Variants in CACNA2D3 observed in about 807,000 individuals in gnomAD.
CACNA2D3 encodes the protein calcium voltage-gated channel auxiliary subunit alpha2delta 3, also known as voltage-dependent calcium channel subunit alpha-2/delta-3.
In CACNA2D3, 60 loss-of-function variants were observed where a neutral mutation model predicts 160.6. The ratio of observed to expected loss-of-function variants is 0.37; its 90% CI spans 0.30 to 0.46. The LOEUF (loss-of-function observed/expected upper bound fraction) is 0.46, where lower values mean the gene tolerates loss of function less well. CACNA2D3 is among the 20% of genes least tolerant of loss of function. The probability of loss-of-function intolerance (pLI) is 1.00; values close to 1 mark genes in which losing one functional copy is unlikely to be tolerated. For synonymous variants in CACNA2D3, 558 were observed against 492.9 expected, an observed-to-expected ratio of 1.13 and a Z score of -1.75; for missense variants, 1,205 against 1,365.0, an observed-to-expected ratio of 0.88 and a Z score of 1.85.
intron 2 of CACNA2D3, among the ~76,000 whole-genome samples, chr3:54,187,304 A>T (rs7649990): frequency 0.18 from 26,801 of 152,156 alleles, 2,453 homozygotes; most frequent in East Asian, 0.26. Flanking sequence ...AATACCACCA[A>T]GTCTGTCTCT....
intron 31 of CACNA2D3, among the ~76,000 whole-genome samples, chr3:54,993,923 TTG>T (rs374831202): frequency 1.4e-5 from 2 of 144,152 alleles, no homozygotes; most frequent in East Asian, 2.0e-4. Flanking sequence ...TGTGTGTGTT[TTG>T]TGTGTGTGTG....
intron 6 of CACNA2D3, among the ~76,000 whole-genome samples, chr3:54,568,700 A>T (rs1187401508): frequency 6.6e-6 from 1 of 152,232 alleles, no homozygotes; most frequent in African/African-American, 2.4e-5. Flanking sequence ...GTAGCTTCTT[A>T]TACTAACATT....
At chr3:54,144,733 A>G (rs916241594) in intron 2 of CACNA2D3, among the ~76,000 whole-genome samples, 1 of 152,260 alleles carries the variant, frequency 6.6e-6, no homozygotes, top group African/African-American at 2.4e-5. Flanking sequence ...TAGTTTGCTA[A>G]GGGAAAAATA....
chr3:54,204,524 C>T (rs1221035089), intron 2 of CACNA2D3, among the ~76,000 whole-genome samples: 7 of 151,744 alleles, frequency 4.6e-5, no homozygotes, highest in Admixed American at 2.0e-4. Flanking sequence ...GGGCCAGGCA[C>T]GGTGGCTCAC....
At chr3:54,391,628 A>G (rs1699284159) in intron 4 of CACNA2D3, among the ~76,000 whole-genome samples, 1 of 151,482 alleles carries the variant, frequency 6.6e-6, no homozygotes, top group African/African-American at 2.4e-5. Flanking sequence ...CTCATGCCTC[A>G]GCTTCCCCAG....
At chr3:54,756,339 A>G (rs1559570699) in intron 12 of CACNA2D3, among the ~76,000 whole-genome samples, 2 of 152,212 alleles carry the variant, frequency 1.3e-5, no homozygotes, top group African/African-American at 2.4e-5. Context: ...GTGATATTCC[A>G]GTCATCTGTG....
chr3:54,865,258 C>T (rs961298462), intron 17 of CACNA2D3, among the ~76,000 whole-genome samples: 25 of 152,234 alleles, frequency 1.6e-4, no homozygotes, highest in African/African-American at 4.3e-4. Flanking sequence ...TTAGTAAGGG[C>T]AATATACTTT....
intron 2 of CACNA2D3, among the ~76,000 whole-genome samples, chr3:54,185,198 T>G (rs927065041): frequency 6.6e-6 from 1 of 152,250 alleles, no homozygotes; most frequent in Admixed American, 6.5e-5. Context: ...CTAAATGGCT[T>G]ATAGAAGTTT....
At position 54,984,588 on chromosome 3, in the gene CACNA2D3, T is replaced by TG. The variant is rs1223144875; in HGVS notation, c.2557-20_2557-19insG. On this transcript the variant is annotated intron_variant, in intron 29 of 37. Transcript: ENST00000474759. ...AGTTGAAGCTGTTTTTTTGTTTTTG[T>TG]TTTTTTTTTAATTTTCTAGACTGTG... 5 of 1,322,754 alleles carry TG rather than the reference T, an allele frequency of 3.8e-6. No homozygotes were observed. The highest frequency in any genetic ancestry group is 1.6e-5 in the African/African-American group (1 of 61,622). 81.9% of individuals were successfully genotyped at this position (1,322,754 alleles called of 1,614,324 possible).
chr3:54,144,260 G>T (rs6791270), intron 2 of CACNA2D3, among the ~76,000 whole-genome samples: 2,523 of 152,340 alleles, frequency 0.017, 77 homozygotes, highest in African/African-American at 0.057. Flanking sequence ...GGGATGTTGT[G>T]TGGCTGTGTC....
chr3:54,887,207 T>C (rs142810945), intron 23 of CACNA2D3, among the ~76,000 whole-genome samples: 172 of 152,050 alleles, frequency 1.1e-3, no homozygotes, highest in African/African-American at 4.0e-3. Context: ...AGGCAGATCA[T>C]TTGAGGTCAG....
chr3:54,128,628 C>A (rs1018923460), intron 2 of CACNA2D3, among the ~76,000 whole-genome samples: 1 of 152,202 alleles, frequency 6.6e-6, no homozygotes, highest in Non-Finnish European at 1.5e-5. Context: ...CCCAGCACAT[C>A]TCCTCTGTCA....
intron 4 of CACNA2D3, among the ~76,000 whole-genome samples, chr3:54,462,951 G>A (rs1700535732): frequency 6.7e-6 from 1 of 150,048 alleles, no homozygotes; most frequent in African/African-American, 2.5e-5. Flanking sequence ...TCCTTCAGGA[G>A]CTCTTTTAGG....
intron 13 of CACNA2D3, among the ~76,000 whole-genome samples, chr3:54,787,040 T>C (rs1702655187): frequency 6.6e-6 from 1 of 152,226 alleles, no homozygotes; most frequent in Non-Finnish European, 1.5e-5. Flanking sequence ...AACAAAAAGA[T>C]GAAAACGATC....
chr3:54,135,062 G>T (rs115024943), intron 2 of CACNA2D3, among the ~76,000 whole-genome samples: 4,165 of 152,306 alleles, frequency 0.027, 71 homozygotes, highest in Middle Eastern at 0.068. Flanking sequence ...CTGATATTAG[G>T]GAGAAATGTG....
At chr3:54,278,143 A>C (rs1025448038) in intron 2 of CACNA2D3, among the ~76,000 whole-genome samples, 4 of 152,246 alleles carry the variant, frequency 2.6e-5, no homozygotes, top group Non-Finnish European at 5.9e-5. Context: ...AAACAAATTT[A>C]CTAGAAAAAA....
At chr3:54,654,652 C>G (rs936660785) in intron 11 of CACNA2D3, among the ~76,000 whole-genome samples, 3 of 152,042 alleles carry the variant, frequency 2.0e-5, no homozygotes, top group Non-Finnish European at 4.4e-5. Flanking sequence ...GGCATGCCGG[C>G]GGGCAAGTGC....
chr3:54,868,598 T>C (rs2106815344), intron 17 of CACNA2D3, among the ~76,000 whole-genome samples: 1 of 152,272 alleles, frequency 6.6e-6, no homozygotes, highest in East Asian at 1.9e-4. Context: ...CCAAATACCA[T>C]CTAAAATGAC....
chr3:54,956,500 C>A (rs554629543), intron 27 of CACNA2D3, among the ~76,000 whole-genome samples: 1 of 152,172 alleles, frequency 6.6e-6, no homozygotes, highest in Non-Finnish European at 1.5e-5. Flanking sequence ...ATGGTCTTAA[C>A]GTTCTCAGTC....
Sources: allele counts gnomAD v4.1 joint callset (sites outside exome capture counted in the v4.1 genomes callset), GRCh38; gene constraint gnomAD v4.1.1; transcripts MANE v1.5; gene names NCBI Gene and HGNC (gene_info 2026-07-23, HGNC 2026-07-21).